WHRN: variants seen among roughly 807,000 people sequenced by gnomAD.
WHRN encodes whirlin, also known as CASK-interacting protein CIP98.
A neutral mutation model predicts 68.3 loss-of-function variants in WHRN; 41 were observed. That is an observed-to-expected ratio of 0.60 (90% CI 0.47 to 0.78). The LOEUF is 0.78. WHRN is among the 30% of genes least tolerant of loss of function. The pLI is 0.00. For missense variants in WHRN, 1,243 were observed against 1,244.7 expected (o/e 1.00, Z 0.02); for synonymous variants, 560 against 561.3 (o/e 1.00, Z 0.03).
In WHRN at chr9:114,402,544, A is replaced by G. The variant is rs1834754205; in HGVS notation, c.*210T>C. 7.6e-6 allele frequency: 5 copies of G among 657,890 alleles called. No homozygotes were observed. The highest frequency in any genetic ancestry group is 1.3e-5 in the Non-Finnish European group (5 of 372,378). 40.8% of individuals were successfully genotyped at this position (657,890 alleles called of 1,614,324 possible). A position where few individuals can be genotyped will look rare whatever the true frequency, so the allele number is the denominator to read the frequency against. ...TGGGCGCCTACTGTGTACCCAGTAC[A>G]GCACCAGTTCCTGACCTGACCTTCT... On this transcript the variant is annotated 3_prime_UTR_variant, in exon 12 of 12. Coordinates refer to ENST00000362057, the MANE Select transcript of WHRN (RefSeq NM_015404.4).
intron 3 of WHRN, among the ~76,000 whole-genome samples, chr9:114,437,242 T>C (rs1426330023): frequency 6.6e-6 from 1 of 152,170 alleles, no homozygotes; most frequent in Non-Finnish European, 1.5e-5. Context: ...TCATGCCCTC[T>C]ATAAGACTAA....
At chr9:114,453,949 A>G (rs1044766779) in intron 3 of WHRN, among the ~76,000 whole-genome samples, 4 of 152,234 alleles carry the variant, frequency 2.6e-5, no homozygotes, top group Admixed American at 2.0e-4. Flanking sequence ...AGCAATCTCT[A>G]TAAGGGATAA....
intron 3 of WHRN, among the ~76,000 whole-genome samples, chr9:114,459,463 A>AG (rs1415309246): frequency 6.6e-6 from 1 of 151,280 alleles, no homozygotes; most frequent in African/African-American, 2.4e-5. Context: ...AGTTCATCTA[A>AG]AAAAAACAGA....
At chr9:114,493,380 G>A (rs375640874) in intron 1 of WHRN, among the ~76,000 whole-genome samples, 8 of 107,826 alleles carry the variant, frequency 7.4e-5, no homozygotes, top group African/African-American at 1.0e-4. Context: ...AAGTGGGGGT[G>A]GGGGGGTGGG....
intron 1 of WHRN, among the ~76,000 whole-genome samples, chr9:114,498,411 G>C (rs892439813): frequency 3.3e-5 from 5 of 152,188 alleles, no homozygotes; most frequent in Non-Finnish European, 7.3e-5. Flanking sequence ...CACTGTAAAT[G>C]CTGGGTGACC....
intron 3 of WHRN, among the ~76,000 whole-genome samples, chr9:114,434,450 C>G (rs7860351): frequency 6.6e-6 from 1 of 152,148 alleles, no homozygotes; most frequent in Non-Finnish European, 1.5e-5. Flanking sequence ...ACAAGTTCCA[C>G]TTCACTAGCC....
chr9:114,464,863 TGATGTC>T (rs1157380200), intron 3 of WHRN, among the ~76,000 whole-genome samples: 286 of 107,872 alleles, frequency 2.7e-3, no homozygotes, highest in African/African-American at 0.014. Context: ...ATGATGATGA[TGATGTC>T]GTCTGTCTGT....
At chr9:114,465,613 C>G (rs1840614911) in intron 3 of WHRN, among the ~76,000 whole-genome samples, 1 of 152,180 alleles carries the variant, frequency 6.6e-6, no homozygotes, top group Non-Finnish European at 1.5e-5. Flanking sequence ...GCAGTCTTGT[C>G]TCTCTGAGCA....
intron 1 of WHRN, among the ~76,000 whole-genome samples, chr9:114,486,976 TATATA>T (rs1261714433): frequency 1.3e-3 from 3 of 2,306 alleles, no homozygotes; most frequent in African/African-American, 1.6e-3. Flanking sequence ...TATATATATA[TATATA>T]TATATATATA....
intron 7 of WHRN, among the ~76,000 whole-genome samples, chr9:114,419,750 T>C (rs1836115325): frequency 6.6e-6 from 1 of 152,082 alleles, no homozygotes. Flanking sequence ...GGGACAGAAA[T>C]TACCATCCTC....
At chr9:114,500,035 A>C (rs115582514) in intron 1 of WHRN, among the ~76,000 whole-genome samples, 1 of 152,232 alleles carries the variant, frequency 6.6e-6, no homozygotes, top group Non-Finnish European at 1.5e-5. Flanking sequence ...TAAAGAGTAA[A>C]TAACCAGATG....
At chr9:114,432,523 C>CAGA (rs1837512562) in intron 3 of WHRN, among the ~76,000 whole-genome samples, 1 of 152,202 alleles carries the variant, frequency 6.6e-6, no homozygotes, top group African/African-American at 2.4e-5. Context: ...GTGTGTGTTT[C>CAGA]TGAGCACAGA....
chr9:114,486,312 CAGA>C (rs1304843209), intron 1 of WHRN, among the ~76,000 whole-genome samples: 1 of 152,162 alleles, frequency 6.6e-6, no homozygotes, highest in Non-Finnish European at 1.5e-5. Context: ...AAAAGCTTCC[CAGA>C]TTGTGGCTGA....
chr9:114,446,727 C>T lies in WHRN; in HGVS notation c.963+19540G>A, dbSNP rs146110402. On this transcript the variant is annotated intron_variant, in intron 3 of 11. Transcript: ENST00000362057. Reference sequence around the variant, plus strand: ...GCAGAGCACCACTCAGTTCCCTGGACATCCCAAACTCTGAAAGCTCTTGCC... The same window carrying T: ...GCAGAGCACCACTCAGTTCCCTGGATATCCCAAACTCTGAAAGCTCTTGCC... Among the ~76,000 whole-genome samples, 369 of 152,278 alleles carry T rather than the reference C, an allele frequency of 2.4e-3. 2 individuals are homozygous for T. The highest frequency in any genetic ancestry group is 8.6e-3 in the African/African-American group (356 of 41,540).
intron 3 of WHRN, among the ~76,000 whole-genome samples, chr9:114,427,629 G>A (rs1227319608): frequency 2.6e-5 from 4 of 152,230 alleles, no homozygotes; most frequent in Non-Finnish European, 4.4e-5. Flanking sequence ...GGGAGCTTGG[G>A]AGAAAAGAAG....
intron 1 of WHRN, among the ~76,000 whole-genome samples, chr9:114,500,142 T>C (rs1005406994): frequency 6.6e-6 from 1 of 152,216 alleles, no homozygotes; most frequent in African/African-American, 2.4e-5. Context: ...AAGAAATGGA[T>C]ATGCAGCAGC....
At chr9:114,415,273 T>TA (rs5900085) in intron 7 of WHRN, among the ~76,000 whole-genome samples, 9,872 of 145,280 alleles carry the variant, frequency 0.068, 370 homozygotes, top group African/African-American at 0.11. Context: ...CCCTATCTCT[T>TA]AAAAAAAAAA....
At chr9:114,426,070 T>C in intron 4 of WHRN, 141 bp downstream of exon 4, 1 of 1,060,004 alleles carries the variant, frequency 9.4e-7, no homozygotes, top group Non-Finnish European at 1.4e-6. Flanking sequence ...GCCCAGGTCA[T>C]GTCCTGCCAA....
At chr9:114,406,196 G>A (rs1289501662) in intron 9 of WHRN, among the ~76,000 whole-genome samples, 159 bp downstream of exon 9, 1 of 152,230 alleles carries the variant, frequency 6.6e-6, no homozygotes, top group African/African-American at 2.4e-5. Flanking sequence ...CAGTGGCAGA[G>A]CCGGGATTCA....
Sources: gnomAD v4.1 joint callset for allele counts (sites outside exome capture counted in the v4.1 genomes callset) on GRCh38, gnomAD v4.1.1 for gene constraint, MANE v1.5 for transcripts, NCBI Gene and HGNC (gene_info 2026-07-23, HGNC 2026-07-21) for gene names.